Variants in HECW2 observed in about 807,000 individuals in gnomAD.
HECW2 encodes the protein HECT, C2 and WW domain containing E3 ubiquitin protein ligase 2, also known as E3 ubiquitin-protein ligase HECW2.
A neutral mutation model predicts 175.2 loss-of-function variants in HECW2; 61 were observed. That is an observed-to-expected ratio of 0.35 (90% CI 0.28 to 0.43). The LOEUF is 0.43. HECW2 is among the 20% of genes least tolerant of loss of function. The pLI, the probability that HECW2 is intolerant of heterozygous loss-of-function variation, is 1.00. For synonymous variants in HECW2, 671 were observed against 731.0 expected (o/e 0.92, Z 1.32); for missense variants, 1,524 against 2,000.5 (o/e 0.76, Z 4.54).
rs1435977371 is a variant in HECW2, at chr2:196,197,256, C to T, written c.*4021G>A. ...GAATAAGGTTAAATTGAACAGACTC[C>T]TATCTTCATTATAAGATATTTGCCT... On this transcript the variant is annotated 3_prime_UTR_variant, in exon 29 of 29. Transcript: ENST00000644978. 2 of 151,464 alleles carry T rather than the reference C, an allele frequency of 1.3e-5. No individual in the cohort carries two copies. Among genetic ancestry groups the T allele is most frequent in the African/African-American group, 2.4e-5 (1 of 41,162 alleles). The allele number at this position is 151,464 out of a possible 1,614,324, so 9.4% of individuals were successfully genotyped here.
chr2:196,325,084 T>C lies in HECW2; in HGVS notation c.637A>G (p.Ile213Val), dbSNP rs1199714761. 1.7e-5 allele frequency: 28 copies of C among 1,612,612 alleles called. No individual in the cohort carries two copies. Among genetic ancestry groups the C allele is most frequent in the Admixed American group, 5.0e-5 (3 of 59,792 alleles). The change falls in exon 6 of 29, where the codon ATT becomes GTT. Residue 213 changes from isoleucine (I) to valine (V), a missense_variant. Around this residue, in one of 11 missense-constraint regions of HECW2, gnomAD observed 95 missense variants for 136.8 expected, o/e 0.69. Transcript: ENST00000644978. ...FNPDPYLKMS[I>V]QPGKKSSFPT... is the part of the protein sequence containing the mutation. ...AAACTGCTCTTCTTTCCTGGCTGAA[T>C]TGACATCTTAAGATAAGGGTCAGGA...
chr2:196,366,707 T>C (rs1364584672), intron 2 of HECW2, among the ~76,000 whole-genome samples: 2 of 152,212 alleles, frequency 1.3e-5, no homozygotes, highest in African/African-American at 2.4e-5. Context: ...TTTTCCTTAA[T>C]GGTGAACTTT....
At chr2:196,434,583 C>T (rs970233946) in intron 1 of HECW2, among the ~76,000 whole-genome samples, 1 of 152,196 alleles carries the variant, frequency 6.6e-6, no homozygotes, top group Non-Finnish European at 1.5e-5. Flanking sequence ...TACCTGTTTG[C>T]CATGGGTTTA....
At chr2:196,563,902 T>A (rs190992290) in intron 1 of HECW2, among the ~76,000 whole-genome samples, 92 of 152,282 alleles carry the variant, frequency 6.0e-4, no homozygotes, top group African/African-American at 2.2e-3. Flanking sequence ...GAATCACCTA[T>A]GAATGCCTAG....
intron 1 of HECW2, among the ~76,000 whole-genome samples, chr2:196,460,448 C>T (rs578061170): frequency 6.7e-6 from 1 of 150,044 alleles, no homozygotes; most frequent in African/African-American, 2.4e-5. Context: ...AAAATTGAAC[C>T]AAATTGAATG....
chr2:196,518,111 C>T (rs1688214745), intron 1 of HECW2, among the ~76,000 whole-genome samples: 1 of 152,146 alleles, frequency 6.6e-6, no homozygotes, highest in Non-Finnish European at 1.5e-5. Context: ...ATCCCCTACA[C>T]TAACACAGCA....
At position 196,200,526 on chromosome 2, in the gene HECW2, G is replaced by C. The variant is rs2105750412; in HGVS notation, c.*751C>G. On this transcript the variant is annotated 3_prime_UTR_variant, in exon 29 of 29. Transcript: ENST00000644978. ...ACAAAAAATAAACAGAACTCACTGT[G>C]TACTTTTTCCTGATATGCTGTGATT... The C allele has an allele frequency of 6.6e-6, 1 of 152,640 alleles. No homozygotes were observed. The highest frequency in any genetic ancestry group is 6.5e-5 in the Admixed American group (1 of 15,286). The allele number at this position is 152,640 out of a possible 1,614,324, so 9.5% of individuals were successfully genotyped here.
chr2:196,523,256 T>C (rs1169898248), intron 1 of HECW2, among the ~76,000 whole-genome samples: 1 of 152,054 alleles, frequency 6.6e-6, no homozygotes, highest in East Asian at 1.9e-4. Context: ...GGGAGTTCAC[T>C]CATCATTTGG....
At chr2:196,282,870 T>C (rs1263268253) in intron 14 of HECW2, among the ~76,000 whole-genome samples, 1 of 152,170 alleles carries the variant, frequency 6.6e-6, no homozygotes, top group Non-Finnish European at 1.5e-5. Flanking sequence ...AGGTTAACTT[T>C]GGAATGTCCT....
intron 2 of HECW2, among the ~76,000 whole-genome samples, chr2:196,366,185 G>T (rs1203202677): frequency 6.6e-6 from 1 of 152,200 alleles, no homozygotes; most frequent in Non-Finnish European, 1.5e-5. Flanking sequence ...AGGCTGAAAT[G>T]TGCAGAGGGA....
chr2:196,255,590 G>A (rs1208682731), intron 18 of HECW2, among the ~76,000 whole-genome samples: 1 of 152,142 alleles, frequency 6.6e-6, no homozygotes, highest in Non-Finnish European at 1.5e-5. Flanking sequence ...ATTGAATAAT[G>A]TCCTAGAGCA....
intron 1 of HECW2, among the ~76,000 whole-genome samples, chr2:196,589,322 C>A (rs1323836150): frequency 3.9e-5 from 6 of 152,198 alleles, no homozygotes; most frequent in Non-Finnish European, 7.3e-5. Flanking sequence ...CACTGGCCAA[C>A]ATAGTAAGTG....
chr2:196,367,063 C>T (rs1039753017), intron 2 of HECW2, among the ~76,000 whole-genome samples: 2 of 152,140 alleles, frequency 1.3e-5, no homozygotes, highest in African/African-American at 4.8e-5. Flanking sequence ...GCAATGAACA[C>T]AATAATATAC....
At chr2:196,322,454 T>G (rs772783785) in intron 7 of HECW2, 24 bp downstream of exon 7, 2 of 1,597,630 alleles carry the variant, frequency 1.3e-6, no homozygotes, top group South Asian at 2.3e-5. Context: ...CTCAACAAGA[T>G]CCCCAAAGGT....
chr2:196,282,397 G>A (rs1048746383), intron 14 of HECW2, among the ~76,000 whole-genome samples: 11 of 152,140 alleles, frequency 7.2e-5, no homozygotes, highest in African/African-American at 2.7e-4. Context: ...AAGCATGAGT[G>A]GCCAATGGCT....
chr2:196,544,726 G>T (rs531662315), intron 1 of HECW2, among the ~76,000 whole-genome samples: 1 of 152,278 alleles, frequency 6.6e-6, no homozygotes, highest in Non-Finnish European at 1.5e-5. Context: ...CCAATCAGTT[G>T]TGGCAATTCC....
chr2:196,363,941 C>G (rs1217002843), intron 2 of HECW2, among the ~76,000 whole-genome samples: 8 of 152,196 alleles, frequency 5.3e-5, no homozygotes. Flanking sequence ...GACTTCTTAA[C>G]AATGTAAGCC....
rs527695922 is a variant in HECW2 at position 196,258,839 on chromosome 2, C to T, written c.3336-933G>A. Among the ~76,000 whole-genome samples the T allele has an allele frequency of 2.6e-5, 4 of 152,284 alleles. No individual in the cohort carries two copies. In the South Asian group the frequency reaches 6.2e-4, roughly 24 times the overall value. Reference sequence around the variant, plus strand: ...CAAATATGCAATTTTATTCTGAGTGCTATGGACAATATATTCTGATTCCTA... The same window carrying T: ...CAAATATGCAATTTTATTCTGAGTGTTATGGACAATATATTCTGATTCCTA... On this transcript the variant is annotated intron_variant, in intron 17 of 28. Transcript: ENST00000644978.
chr2:196,530,662 A>T, intron 1 of HECW2, among the ~76,000 whole-genome samples: 1 of 152,234 alleles, frequency 6.6e-6, no homozygotes, highest in East Asian at 1.9e-4. Context: ...TAAGACAGTT[A>T]TTTAGTTATT....
Sources: gnomAD v4.1 joint callset for allele counts (sites outside exome capture counted in the v4.1 genomes callset) on GRCh38, gnomAD v4.1.1 for gene constraint, gnomAD v4.1.1 regional missense constraint, MANE v1.5 for transcripts, NCBI Gene and HGNC (gene_info 2026-07-23, HGNC 2026-07-21) for gene names.